Variants in WASF2 observed in about 807,000 individuals in gnomAD.
WASF2 encodes the protein actin-binding protein WASF2.
In WASF2, 14 loss-of-function variants were observed where a neutral mutation model predicts 45.0. The ratio of observed to expected loss-of-function variants is 0.31; its 90% CI spans 0.21 to 0.49. WASF2 has a LOEUF of 0.49. Ranked by LOEUF, WASF2 falls within the 20% of genes least tolerant of loss-of-function variation. The pLI is 0.99. For synonymous variants in WASF2, 200 were observed against 236.3 expected (o/e 0.85, Z 1.41); for missense variants, 439 against 636.1 (o/e 0.69, Z 3.33).
chr1:27,421,581 C>T (rs921529613), intron 2 of WASF2, among the ~76,000 whole-genome samples: 45 of 151,900 alleles, frequency 3.0e-4, no homozygotes, highest in African/African-American at 1.1e-3. Flanking sequence ...TTTGGGAGGC[C>T]AAGGGAGGCA....
Position 27,460,208 on chromosome 1 carries a change from T to C in WASF2, c.-44+29778A>G, listed in dbSNP as rs548393353. Reference sequence around the variant, plus strand: ...GTTAATAAAGATATTTTGGGATTTATGGTTTTAAATGCCAATTTTTTTTTT... The same window carrying C: ...GTTAATAAAGATATTTTGGGATTTACGGTTTTAAATGCCAATTTTTTTTTT... On this transcript the variant is annotated intron_variant, in intron 1 of 8. Transcript: ENST00000618852. 5.3e-5 allele frequency among the ~76,000 whole-genome samples: 8 copies of C among 152,348 alleles called. 1 individual carries two copies. In the South Asian group the frequency reaches 1.7e-3, roughly 32 times the overall value.
At chr1:27,425,250 G>C (rs2016962579) in intron 2 of WASF2, among the ~76,000 whole-genome samples, 1 of 152,048 alleles carries the variant, frequency 6.6e-6, no homozygotes, top group African/African-American at 2.4e-5. Flanking sequence ...CACCACACCT[G>C]GATAATTTTT....
At chr1:27,480,269 C>A (rs1282716622) in intron 1 of WASF2, among the ~76,000 whole-genome samples, 4 of 152,240 alleles carry the variant, frequency 2.6e-5, no homozygotes, top group African/African-American at 9.6e-5. Context: ...GTAATCCCAG[C>A]ACTTTGGGAG....
intron 1 of WASF2, among the ~76,000 whole-genome samples, chr1:27,466,984 G>GCA (rs1380670425): frequency 6.6e-6 from 1 of 152,014 alleles, no homozygotes; most frequent in East Asian, 1.9e-4. Flanking sequence ...GGAGACCGGG[G>GCA]CAGGCAGATT....
intron 1 of WASF2, among the ~76,000 whole-genome samples, chr1:27,474,929 G>C (rs1181753272): frequency 6.6e-6 from 1 of 151,974 alleles, no homozygotes; most frequent in African/African-American, 2.4e-5. Context: ...TCCAGCCTAG[G>C]TGACAGAGTG....
chr1:27,425,593 C>T (rs928732325), intron 2 of WASF2, among the ~76,000 whole-genome samples: 2 of 152,168 alleles, frequency 1.3e-5, no homozygotes, highest in African/African-American at 2.4e-5. Flanking sequence ...AATCCCGGCA[C>T]TCTGGGAGGC....
In WASF2 at chr1:27,424,425, G is replaced by C. The variant is rs115987122; in HGVS notation, c.130+4336C>G. Among the ~76,000 whole-genome samples, 723 of 152,290 alleles carry C rather than the reference G, an allele frequency of 4.7e-3. 5 individuals are homozygous for C. The highest frequency in any genetic ancestry group is 0.017 in the African/African-American group (696 of 41,540). ...GCACGGAATAGTGGGAAATATATAG[G>C]CGTGAATTATTCGACATTTACTGAG... is the stretch of plus-strand genomic sequence containing the variant. On this transcript the variant is annotated intron_variant, in intron 2 of 8. Transcript: ENST00000618852.
chr1:27,489,247 C>T (rs1038275061), intron 1 of WASF2, among the ~76,000 whole-genome samples: 5 of 107,448 alleles, frequency 4.7e-5, no homozygotes, highest in Admixed American at 8.6e-5. Context: ...CTATCCTGTA[C>T]GCGCGCACAC....
intron 1 of WASF2, among the ~76,000 whole-genome samples, chr1:27,449,329 A>G (rs1429719744): frequency 6.6e-6 from 1 of 152,158 alleles, no homozygotes; most frequent in Non-Finnish European, 1.5e-5. Flanking sequence ...CAGGTGCGGT[A>G]GCTCACGCCT....
At position 27,434,226 on chromosome 1, in the gene WASF2, G is replaced by A. The variant is rs958968564; in HGVS notation, c.-43-5293C>T. Among the ~76,000 whole-genome samples, 18 of 152,302 alleles carry A rather than the reference G, an allele frequency of 1.2e-4. 1 individual carries two copies. Among genetic ancestry groups the A allele is most frequent in the Admixed American group, 7.2e-4 (11 of 15,298 alleles). On this transcript the variant is annotated intron_variant, in intron 1 of 8. Transcript: ENST00000618852. ...CTCTGGATGACCAGCTATCAGGCAC[G>A]TTGGGGGAGAAATTTCTAGCATTTA...
At chr1:27,424,186 T>C (rs1369480371) in intron 2 of WASF2, among the ~76,000 whole-genome samples, 1 of 152,174 alleles carries the variant, frequency 6.6e-6, no homozygotes, top group Non-Finnish European at 1.5e-5. Context: ...TCCACCCAGG[T>C]ACAATGCACA....
At chr1:27,474,086 C>T (rs1042167328) in intron 1 of WASF2, among the ~76,000 whole-genome samples, 5 of 152,056 alleles carry the variant, frequency 3.3e-5, no homozygotes, top group Admixed American at 3.3e-4. Flanking sequence ...GTAGCCCCGG[C>T]CAGGAATACA....
chr1:27,445,774 C>T (rs2148122060), intron 1 of WASF2, among the ~76,000 whole-genome samples: 1 of 152,152 alleles, frequency 6.6e-6, no homozygotes. Context: ...CTTTTATCTA[C>T]AGGGTCCCTG....
chr1:27,478,853 G>A (rs1275004274), intron 1 of WASF2, among the ~76,000 whole-genome samples: 1 of 152,030 alleles, frequency 6.6e-6, no homozygotes, highest in Non-Finnish European at 1.5e-5. Flanking sequence ...CAAAGTGCTG[G>A]GATTACAGGC....
chr1:27,433,205 G>A (rs1331825092), intron 1 of WASF2, among the ~76,000 whole-genome samples: 2 of 152,202 alleles, frequency 1.3e-5, no homozygotes, highest in African/African-American at 4.8e-5. Context: ...GCTTCCAGCT[G>A]TGATCCTGGA....
intron 1 of WASF2, among the ~76,000 whole-genome samples, chr1:27,458,068 G>A (rs2148129345): frequency 6.6e-6 from 1 of 152,104 alleles, no homozygotes; most frequent in South Asian, 2.1e-4. Flanking sequence ...CCAGCACTTT[G>A]GGAGGCCGAG....
At chr1:27,434,192 A>T (rs1160732666) in intron 1 of WASF2, among the ~76,000 whole-genome samples, 1 of 152,224 alleles carries the variant, frequency 6.6e-6, no homozygotes, top group Non-Finnish European at 1.5e-5. Context: ...TGAGTTCTCC[A>T]GCCCTGTGCT....
chr1:27,447,156 ATTATT>A (rs1281231132), intron 1 of WASF2, among the ~76,000 whole-genome samples: 2 of 152,046 alleles, frequency 1.3e-5, no homozygotes, highest in Non-Finnish European at 2.9e-5. Context: ...ATTAATGAGT[ATTATT>A]TTAAGATATG....
chr1:27,412,826 A>T, intron 6 of WASF2, 99 bp from the exon 7 acceptor site: 1 of 1,375,838 alleles, frequency 7.3e-7, no homozygotes, highest in Non-Finnish European at 1.0e-6. Flanking sequence ...TACAAAAGCT[A>T]TTAGGGAGAA....
Sources: gnomAD v4.1 joint callset for allele counts (sites outside exome capture counted in the v4.1 genomes callset) on GRCh38, gnomAD v4.1.1 for gene constraint, MANE v1.5 for transcripts, NCBI Gene and HGNC (gene_info 2026-07-23, HGNC 2026-07-21) for gene names.